The following KAZN variants were observed in gnomAD, a reference collection of about 807,000 sequenced individuals.
KAZN encodes kazrin.
KAZN carries 40 observed loss-of-function variants against 87.4 expected under a neutral mutation model. That is an observed-to-expected ratio of 0.46 (90% CI 0.36 to 0.60). The LOEUF is 0.60. KAZN is among the 20% of genes least tolerant of loss of function. The pLI is 0.00. For missense variants in KAZN, 898 were observed against 1,073.9 expected (o/e 0.84, Z 2.29); for synonymous variants, 466 against 458.3 (o/e 1.02, Z -0.22).
At chr1:14,058,552 G>T (rs1376585904) in intron 1 of KAZN, among the ~76,000 whole-genome samples, 1 of 152,198 alleles carries the variant, frequency 6.6e-6, no homozygotes, top group Non-Finnish European at 1.5e-5. Context: ...CTCGATGCTG[G>T]CATGCAACAG....
At chr1:14,570,414 G>A (rs1375152053) in intron 2 of KAZN, among the ~76,000 whole-genome samples, 1 of 152,002 alleles carries the variant, frequency 6.6e-6, no homozygotes, top group Non-Finnish European at 1.5e-5. Context: ...CCTATCCCTA[G>A]CCCCAGATCA....
In KAZN at chr1:14,735,221, G is replaced by A. The variant is rs1429897124; in HGVS notation, c.226+135998G>A. 1.3e-5 allele frequency among the ~76,000 whole-genome samples: 2 copies of A among 152,070 alleles called. No homozygotes were observed. The highest frequency in any genetic ancestry group is 4.8e-5 in the African/African-American group (2 of 41,394). On this transcript the variant is annotated intron_variant, in intron 1 of 14. Transcript: ENST00000376030. This position sits in a 1 kb window ranked among gnomAD's most constrained non-coding sequence, Gnocchi z 4.3. ...ACTACAGGCACCCGCCACCATGCCC[G>A]GCTAATTTTTTTGTATTTTTAGTAG...
intron 2 of KAZN, among the ~76,000 whole-genome samples, chr1:14,245,444 G>A (rs574617431): frequency 6.5e-4 from 99 of 152,050 alleles, no homozygotes; most frequent in Non-Finnish European, 1.0e-3. Context: ...TAGTGTGCTC[G>A]TATTATTCCC....
intron 1 of KAZN, among the ~76,000 whole-genome samples, chr1:14,760,436 A>G (rs1313959550): frequency 2.0e-5 from 3 of 152,212 alleles, no homozygotes; most frequent in Non-Finnish European, 2.9e-5. Context: ...TACTTTGCAC[A>G]GTGACAAACA....
intron 2 of KAZN, among the ~76,000 whole-genome samples, chr1:14,341,081 G>T (rs968569211): frequency 1.3e-5 from 2 of 151,620 alleles, no homozygotes; most frequent in Admixed American, 1.3e-4. Flanking sequence ...AGAGATTGGG[G>T]GGGGTTTCAC....
At chr1:14,691,556 G>A (rs1327080082) in intron 1 of KAZN, among the ~76,000 whole-genome samples, 1 of 152,030 alleles carries the variant, frequency 6.6e-6, no homozygotes, top group African/African-American at 2.4e-5. Flanking sequence ...GCACAATCTC[G>A]GTTCACTGAA....
chr1:14,219,335 ATTTC>A (rs1468399571), intron 2 of KAZN, among the ~76,000 whole-genome samples: 1 of 152,122 alleles, frequency 6.6e-6, no homozygotes, highest in East Asian at 1.9e-4. Flanking sequence ...TGTCTGGCAG[ATTTC>A]TTTGTCTTGA....
chr1:14,167,736 AAAAC>A (rs1196801459), intron 1 of KAZN, among the ~76,000 whole-genome samples: 1 of 150,462 alleles, frequency 6.6e-6, no homozygotes, highest in East Asian at 2.0e-4. Context: ...AACAAAAACA[AAAAC>A]AAACAAGGAA....
intron 2 of KAZN, among the ~76,000 whole-genome samples, chr1:14,258,678 A>G (rs1291456527): frequency 2.6e-5 from 4 of 152,156 alleles, no homozygotes; most frequent in Admixed American, 6.5e-5. Flanking sequence ...CAAATGTTTG[A>G]CTTCATGTCA....
At chr1:14,483,799 C>A (rs1381623766) in intron 2 of KAZN, among the ~76,000 whole-genome samples, 1 of 152,180 alleles carries the variant, frequency 6.6e-6, no homozygotes, top group Non-Finnish European at 1.5e-5. Flanking sequence ...ACTTTTGTTG[C>A]CCCTATTTTT....
At chr1:14,592,952 CTG>C (rs1676292478) in intron 2 of KAZN, among the ~76,000 whole-genome samples, 1 of 152,210 alleles carries the variant, frequency 6.6e-6, no homozygotes, top group Non-Finnish European at 1.5e-5. Context: ...GGAGAGAAAA[CTG>C]GGCTTTATGT....
At chr1:14,136,227 T>C (rs1443686337) in intron 1 of KAZN, among the ~76,000 whole-genome samples, 2 of 152,084 alleles carry the variant, frequency 1.3e-5, no homozygotes, top group Non-Finnish European at 2.9e-5. Flanking sequence ...TGCAGAGTTT[T>C]GGGGAGCCCC....
intron 2 of KAZN, among the ~76,000 whole-genome samples, chr1:14,469,684 G>C (rs1044518050): frequency 7.2e-5 from 11 of 152,178 alleles, no homozygotes; most frequent in Non-Finnish European, 1.3e-4. Flanking sequence ...CAGATGGTAG[G>C]TATATTTTCC....
At chr1:14,068,005 C>T (rs1643080130) in intron 1 of KAZN, among the ~76,000 whole-genome samples, 1 of 152,148 alleles carries the variant, frequency 6.6e-6, no homozygotes, top group Non-Finnish European at 1.5e-5. Flanking sequence ...ATCAGTTAGC[C>T]CTTTTCAGAG....
intron 1 of KAZN, among the ~76,000 whole-genome samples, chr1:14,921,670 C>G (rs911002506): frequency 3.3e-5 from 5 of 152,188 alleles, no homozygotes; most frequent in African/African-American, 1.2e-4. Context: ...CATACTCATA[C>G]TTGTGCTGGG....
chr1:14,424,900 T>A (rs1665630986), intron 2 of KAZN, among the ~76,000 whole-genome samples: 1 of 152,186 alleles, frequency 6.6e-6, no homozygotes, highest in African/African-American at 2.4e-5. Context: ...TAAATATACT[T>A]TGGTTTAACA....
intron 2 of KAZN, among the ~76,000 whole-genome samples, chr1:14,552,955 A>G (rs1395396932): frequency 6.6e-6 from 1 of 152,112 alleles, no homozygotes; most frequent in African/African-American, 2.4e-5. Flanking sequence ...GACTGGGGCA[A>G]CTGCAGCCCA....
At chr1:14,831,908 G>A (rs985855962) in intron 1 of KAZN, among the ~76,000 whole-genome samples, 2 of 152,068 alleles carry the variant, frequency 1.3e-5, no homozygotes, top group Admixed American at 6.6e-5. Context: ...AAAAACAAGG[G>A]AATTGGCTGG....
intron 2 of KAZN, among the ~76,000 whole-genome samples, chr1:14,384,549 C>A (rs549566279): frequency 6.6e-6 from 1 of 152,206 alleles, no homozygotes; most frequent in South Asian, 2.1e-4. Context: ...TTGTCAAGGG[C>A]CTTTTCTGCC....
Sources: allele counts gnomAD v4.1 joint callset (sites outside exome capture counted in the v4.1 genomes callset), GRCh38; gene constraint gnomAD v4.1.1; non-coding constraint Gnocchi (gnomAD v3.1); transcripts MANE v1.5; gene names NCBI Gene and HGNC (gene_info 2026-07-23, HGNC 2026-07-21).